Variants in INVS observed in about 807,000 individuals in gnomAD.
The protein encoded by INVS is inversion of embryo turning homolog.
Under a neutral mutation model 108.8 loss-of-function variants are expected in INVS, and 86 were observed. The ratio of observed to expected loss-of-function variants is 0.79; its 90% CI spans 0.66 to 0.95. The LOEUF (loss-of-function observed/expected upper bound fraction) is 0.95. Ranked by LOEUF, INVS falls within the 40% of genes least tolerant of loss-of-function variation. The pLI is 0.00. For synonymous variants in INVS, 455 were observed against 473.5 expected (o/e 0.96, Z 0.51); for missense variants, 1,169 against 1,297.4 (o/e 0.90, Z 1.52).
At chr9:100,192,228 C>T (rs1830242806) in intron 3 of INVS, among the ~76,000 whole-genome samples, 1 of 149,360 alleles carries the variant, frequency 6.7e-6, no homozygotes, top group South Asian at 2.1e-4. Context: ...GCTTTCAGTC[C>T]ACCATCTTGG....
In INVS at chr9:100,282,103, C is replaced by G. The variant is rs115089054; in HGVS notation, c.1785-2217C>G. On this transcript the variant is annotated intron_variant, in intron 12 of 16. Coordinates refer to ENST00000262457, the MANE Select transcript of INVS (RefSeq NM_014425.5). ...ATTCTCTTAAAACAGCCCTGCTCAT[C>G]GGTGCTGATAAAAAGCTCAGCACTT... Among the ~76,000 whole-genome samples the G allele has an allele frequency of 7.1e-3, 1,080 of 152,308 alleles. 11 individuals carry two copies. Among genetic ancestry groups the G allele is most frequent in the African/African-American group, 0.024 (989 of 41,566 alleles).
chr9:100,226,296 T>A, intron 4 of INVS, 61 bp downstream of exon 4: 1 of 1,473,784 alleles, frequency 6.8e-7, no homozygotes, highest in Non-Finnish European at 9.4e-7. Flanking sequence ...CCTTTTATGA[T>A]GTGAAATTTC....
At chr9:100,245,311 A>C (rs921802834) in intron 7 of INVS, among the ~76,000 whole-genome samples, 1 of 151,828 alleles carries the variant, frequency 6.6e-6, no homozygotes, top group African/African-American at 2.4e-5. Flanking sequence ...ATGGAGTCTC[A>C]CTCTGTTGCC....
chr9:100,140,923 G>A (rs1468821980), intron 3 of INVS, among the ~76,000 whole-genome samples: 5 of 152,166 alleles, frequency 3.3e-5, no homozygotes, highest in Non-Finnish European at 7.3e-5. Context: ...GAATTGGGAG[G>A]ACCTAGGACA....
At chr9:100,219,230 C>T (rs1292362343) in intron 3 of INVS, among the ~76,000 whole-genome samples, 1 of 151,998 alleles carries the variant, frequency 6.6e-6, no homozygotes, top group Non-Finnish European at 1.5e-5. Context: ...TGAGTTACAA[C>T]ACAAGAAGGC....
intron 3 of INVS, chr9:100,215,378 C>G (rs554060224): frequency 1.3e-5 from 2 of 152,196 alleles, no homozygotes; most frequent in Non-Finnish European, 1.5e-5. Flanking sequence ...TCCCCCACTC[C>G]TTTTGTCCTG....
chr9:100,143,052 T>C (rs1463163357), intron 3 of INVS, among the ~76,000 whole-genome samples: 3 of 152,158 alleles, frequency 2.0e-5, no homozygotes, highest in Non-Finnish European at 4.4e-5. Flanking sequence ...GGGGGCTGTC[T>C]GTGAAGCCTT....
At chr9:100,287,411 T>A (rs777409179) in intron 13 of INVS, among the ~76,000 whole-genome samples, 1 of 152,246 alleles carries the variant, frequency 6.6e-6, no homozygotes, top group East Asian at 1.9e-4. Context: ...CATACTAAGA[T>A]GGGAGGAATT....
chr9:100,183,025 C>T (rs193294612), intron 3 of INVS, among the ~76,000 whole-genome samples: 2 of 152,074 alleles, frequency 1.3e-5, no homozygotes, highest in Non-Finnish European at 1.5e-5. Flanking sequence ...AACACAGGAA[C>T]AGAAAACCAA....
intron 10 of INVS, among the ~76,000 whole-genome samples, chr9:100,263,535 T>C (rs898310986): frequency 1.3e-5 from 2 of 152,186 alleles, no homozygotes; most frequent in African/African-American, 2.4e-5. Flanking sequence ...ACACTCACCC[T>C]CCTGACTCCC....
chr9:100,146,691 GAC>G (rs935807595), intron 3 of INVS, among the ~76,000 whole-genome samples: 4 of 152,148 alleles, frequency 2.6e-5, no homozygotes, highest in African/African-American at 4.8e-5. Context: ...GAGTTTAAAA[GAC>G]AGTTTGTTAG....
chr9:100,218,675 G>T (rs944407133), intron 3 of INVS, among the ~76,000 whole-genome samples: 27 of 152,140 alleles, frequency 1.8e-4, no homozygotes, highest in African/African-American at 6.0e-4. Context: ...ATTGAAAGGT[G>T]GTCATATTTG....
At chr9:100,187,484 G>A (rs912138483) in intron 3 of INVS, among the ~76,000 whole-genome samples, 8 of 149,820 alleles carry the variant, frequency 5.3e-5, no homozygotes, top group African/African-American at 7.5e-5. Context: ...CAGTCAATGA[G>A]CGTGGGATGT....
intron 3 of INVS, among the ~76,000 whole-genome samples, chr9:100,162,649 G>A (rs1355568134): frequency 2.6e-5 from 4 of 152,084 alleles, no homozygotes; most frequent in Non-Finnish European, 5.9e-5. Flanking sequence ...CCCTTGGCAA[G>A]GAAAATGAAA....
intron 14 of INVS, among the ~76,000 whole-genome samples, chr9:100,294,341 T>C (rs2118770820): frequency 6.6e-6 from 1 of 152,254 alleles, no homozygotes; most frequent in South Asian, 2.1e-4. Flanking sequence ...GAAAACTAGA[T>C]AGATTCCCAG....
intron 13 of INVS, among the ~76,000 whole-genome samples, chr9:100,290,925 C>T (rs1475136838): frequency 6.6e-6 from 1 of 152,074 alleles, no homozygotes; most frequent in Non-Finnish European, 1.5e-5. Flanking sequence ...TATGTTGTCC[C>T]GGCTTGTCTC....
rs527442620 is a variant in INVS at position 100,259,713 on chromosome 9, C to A, written c.1465-5109C>A. Among the ~76,000 whole-genome samples, 11 of 151,814 alleles carry A rather than the reference C, an allele frequency of 7.2e-5. No individual in the cohort carries two copies. The East Asian group carries it at 2.1e-3, about 30-fold the overall frequency. On this transcript the variant is annotated intron_variant, in intron 10 of 16. Coordinates refer to ENST00000262457, the MANE Select transcript of INVS (RefSeq NM_014425.5). Reference sequence around the variant, plus strand: ...CTCAGGCATCCACCACCATGCCTGGCTAATTTTTGTATTTTTAGTAGAGAC... The same window carrying A: ...CTCAGGCATCCACCACCATGCCTGGATAATTTTTGTATTTTTAGTAGAGAC...
intron 1 of INVS, among the ~76,000 whole-genome samples, chr9:100,100,569 T>C (rs993886210): frequency 2.0e-4 from 23 of 113,306 alleles, no homozygotes; most frequent in African/African-American, 6.4e-4. Flanking sequence ...AAGTAAAAAG[T>C]ATATATATAT....
chr9:100,229,493 A>T (rs933826101), intron 4 of INVS, among the ~76,000 whole-genome samples, 167 bp from the exon 5 acceptor site: 4 of 152,190 alleles, frequency 2.6e-5, no homozygotes, highest in African/African-American at 9.7e-5. Context: ...TCTATTTAAT[A>T]TATTTAGACT....
Sources: allele counts gnomAD v4.1 joint callset (sites outside exome capture counted in the v4.1 genomes callset), GRCh38; gene constraint gnomAD v4.1.1; transcripts MANE v1.5; gene names NCBI Gene and HGNC (gene_info 2026-07-23, HGNC 2026-07-21).